KHDRBS2: variants seen among roughly 807,000 people sequenced by gnomAD.
KHDRBS2 encodes the protein KH domain-containing, RNA-binding, signal transduction-associated protein 2.
A neutral mutation model predicts 44.3 loss-of-function variants in KHDRBS2; 26 were observed. That is an observed-to-expected ratio of 0.59 (90% CI 0.43 to 0.81). The LOEUF is 0.81. Ranked by LOEUF, KHDRBS2 falls within the 40% of genes least tolerant of loss-of-function variation. The pLI is 0.00. For missense variants in KHDRBS2, 476 were observed against 433.1 expected (o/e 1.10, Z -0.88); for synonymous variants, 194 against 151.1 (o/e 1.28, Z -2.08).
intron 4 of KHDRBS2, among the ~76,000 whole-genome samples, chr6:61,947,925 TAATAATAATAATAA>T: frequency 1.6e-5 from 1 of 63,508 alleles, no homozygotes; most frequent in African/African-American, 4.7e-5. Context: ...ATAATAATAA[TAATAATAATAATAA>T]TAATAATAAT....
chr6:62,226,610 A>G (rs1198757768), intron 1 of KHDRBS2, among the ~76,000 whole-genome samples: 2 of 152,204 alleles, frequency 1.3e-5, no homozygotes, highest in African/African-American at 4.8e-5. Flanking sequence ...GGCTTTGCCC[A>G]TGACTACGTC....
intron 3 of KHDRBS2, among the ~76,000 whole-genome samples, chr6:62,022,625 G>A (rs1196973295): frequency 6.6e-6 from 1 of 151,266 alleles, no homozygotes; most frequent in Admixed American, 6.6e-5. Flanking sequence ...CTTTTCTATT[G>A]TTAATTTCAT....
At chr6:61,556,872 A>ATTTTTTTTTTT in the KHDRBS2 span, among the ~76,000 whole-genome samples, 2 of 87,456 alleles carry the variant, frequency 2.3e-5, no homozygotes, top group African/African-American at 4.2e-5. Context: ...TGAAATTGAG[A>ATTTTTTTTTTT]TTTTTTTTTT....
the KHDRBS2 span, among the ~76,000 whole-genome samples, chr6:61,546,742 G>T: frequency 7.6e-4 from 115 of 152,030 alleles, no homozygotes; most frequent in Non-Finnish European, 2.6e-4. Flanking sequence ...ATTATGAGGA[G>T]CACCTCCTAC....
intron 2 of KHDRBS2, among the ~76,000 whole-genome samples, chr6:62,138,623 A>G (rs1286922168): frequency 1.3e-5 from 2 of 152,336 alleles, no homozygotes; most frequent in East Asian, 3.9e-4. Context: ...AATAGAAATA[A>G]CAGAATAACT....
At chr6:61,658,358 G>T in the KHDRBS2 span, among the ~76,000 whole-genome samples, 1 of 151,652 alleles carries the variant, frequency 6.6e-6, no homozygotes, top group Admixed American at 6.6e-5. Flanking sequence ...AAACCTTAAA[G>T]ATAAAATTTT....
At chr6:61,934,886 G>C (rs2127370110) in intron 4 of KHDRBS2, among the ~76,000 whole-genome samples, 1 of 152,226 alleles carries the variant, frequency 6.6e-6, no homozygotes. Flanking sequence ...GTAAACCCAT[G>C]GGATTTCTTT....
chr6:61,801,435 G>C (rs1303911285), intron 6 of KHDRBS2, among the ~76,000 whole-genome samples: 1 of 152,098 alleles, frequency 6.6e-6, no homozygotes, highest in Non-Finnish European at 1.5e-5. Context: ...GAGCATTAAT[G>C]ATTAAGTAAA....
chr6:61,615,844 T>C, the KHDRBS2 span, among the ~76,000 whole-genome samples: 5 of 152,198 alleles, frequency 3.3e-5, no homozygotes, highest in African/African-American at 1.2e-4. Flanking sequence ...ATACTCAACC[T>C]ACATCCTACA....
At chr6:62,075,366 T>C (rs960472600) in intron 2 of KHDRBS2, among the ~76,000 whole-genome samples, 2 of 151,886 alleles carry the variant, frequency 1.3e-5, no homozygotes, top group African/African-American at 4.8e-5. Context: ...GGTGCTTTGA[T>C]TATGGACCCC....
intron 2 of KHDRBS2, among the ~76,000 whole-genome samples, chr6:62,094,638 G>A (rs1562842538): frequency 6.6e-6 from 1 of 151,764 alleles, no homozygotes; most frequent in Non-Finnish European, 1.5e-5. Flanking sequence ...TCCCTGCCTA[G>A]GCCAATGTCA....
chr6:62,206,560 A>T (rs1439121874), intron 1 of KHDRBS2, among the ~76,000 whole-genome samples: 1 of 152,118 alleles, frequency 6.6e-6, no homozygotes, highest in African/African-American at 2.4e-5. Flanking sequence ...CTTCAATAAA[A>T]TAGGAAGAGT....
intron 2 of KHDRBS2, among the ~76,000 whole-genome samples, chr6:62,061,238 C>A (rs1791777103): frequency 1.3e-5 from 2 of 150,908 alleles, no homozygotes; most frequent in Admixed American, 1.3e-4. Flanking sequence ...GGTGATTTTG[C>A]TCGTTAGTTG....
At chr6:62,257,465 T>C (rs1023477682) in intron 1 of KHDRBS2, among the ~76,000 whole-genome samples, 1 of 152,104 alleles carries the variant, frequency 6.6e-6, no homozygotes, top group Non-Finnish European at 1.5e-5. Flanking sequence ...TATAGCTGCA[T>C]GAAGCAATTA....
chr6:62,274,674 T>C (rs1443125229), intron 1 of KHDRBS2, among the ~76,000 whole-genome samples: 1 of 152,156 alleles, frequency 6.6e-6, no homozygotes, highest in Non-Finnish European at 1.5e-5. Context: ...TCTCAACTAA[T>C]ATGCCCCTTC....
intron 1 of KHDRBS2, among the ~76,000 whole-genome samples, chr6:62,254,655 C>T (rs186157882): frequency 2.0e-4 from 30 of 152,092 alleles, no homozygotes; most frequent in African/African-American, 2.4e-5. Context: ...GAAACCCACA[C>T]TGCTGGCATA....
chr6:61,761,229 T>G (rs1779223915), intron 6 of KHDRBS2, among the ~76,000 whole-genome samples: 1 of 152,192 alleles, frequency 6.6e-6, no homozygotes, highest in Admixed American at 6.5e-5. Context: ...AGGAAAGGTG[T>G]TGTCAGTCAT....
At chr6:62,251,586 T>C (rs1224854936) in intron 1 of KHDRBS2, among the ~76,000 whole-genome samples, 4 of 151,912 alleles carry the variant, frequency 2.6e-5, no homozygotes, top group South Asian at 4.1e-4. Flanking sequence ...TGTTAAATAA[T>C]AGAATATTAG....
intron 2 of KHDRBS2, among the ~76,000 whole-genome samples, chr6:62,057,887 T>C (rs1422515152): frequency 6.6e-6 from 1 of 151,932 alleles, no homozygotes; most frequent in Non-Finnish European, 1.5e-5. Context: ...CAACAAAACA[T>C]AATTGGTGGC....
Sources: gnomAD v4.1 joint callset for allele counts (sites outside exome capture counted in the v4.1 genomes callset) on GRCh38, gnomAD v4.1.1 for gene constraint, MANE v1.5 for transcripts, NCBI Gene and HGNC (gene_info 2026-07-23, HGNC 2026-07-21) for gene names.